Variants in GPC3 observed in about 807,000 individuals in gnomAD.
GPC3 encodes glypican-3.
In GPC3, 3 loss-of-function variants were observed where a neutral mutation model predicts 34.4. That is an observed-to-expected ratio of 0.09 (90% confidence interval 0.04 to 0.23). GPC3 has a LOEUF of 0.23. Ranked by LOEUF, GPC3 falls within the 10% of genes least tolerant of loss-of-function variation. The pLI, the probability that GPC3 is intolerant of heterozygous loss-of-function variation, is 1.00. For missense variants in GPC3, 351 were observed against 445.6 expected (o/e 0.79, Z 1.91); for synonymous variants, 177 against 174.0 (o/e 1.02, Z -0.13).
chrX:133,610,144 C>T (rs747678004), intron 6 of GPC3, among the ~76,000 whole-genome samples: 3 of 111,724 alleles, frequency 2.7e-5, no homozygotes, highest in African/African-American at 6.5e-5. Flanking sequence ...CAGTGTTGGG[C>T]GGTGCTTGAA....
At chrX:133,977,263 C>T (rs922447774) in intron 1 of GPC3, among the ~76,000 whole-genome samples, 1 of 111,848 alleles carries the variant, frequency 8.9e-6, no homozygotes, top group African/African-American at 3.3e-5. Context: ...ATGGTCCCTG[C>T]ATTCAATAAG....
At chrX:133,592,405 G>A in intron 7 of GPC3, among the ~76,000 whole-genome samples, 1 of 107,322 alleles carries the variant, frequency 9.3e-6, no homozygotes, top group African/African-American at 3.4e-5. Context: ...TCTGTAAAGT[G>A]AGAATAGTAA....
chrX:133,823,552 T>C (rs1312904373), intron 2 of GPC3, among the ~76,000 whole-genome samples: 2 of 111,692 alleles, frequency 1.8e-5, no homozygotes, highest in African/African-American at 6.5e-5. Context: ...TGTTTTACCA[T>C]TAAATACAAA....
intron 2 of GPC3, among the ~76,000 whole-genome samples, chrX:133,805,206 A>T (rs764121706): frequency 8.9e-6 from 1 of 112,300 alleles, no homozygotes; most frequent in Admixed American, 9.4e-5. Flanking sequence ...AAGTGGGCAA[A>T]AATCAAACAG....
chrX:133,776,377 C>G (rs972724154), intron 2 of GPC3, among the ~76,000 whole-genome samples: 1 of 111,010 alleles, frequency 9.0e-6, no homozygotes, highest in Non-Finnish European at 1.9e-5. Flanking sequence ...GTCTCGTCTA[C>G]GCATAGATCC....
At position 133,729,616 on chromosome X, in the gene GPC3, T is replaced by C. The variant is rs2071442948; in HGVS notation, c.1032+23866A>G. On this transcript the variant is annotated intron_variant, in intron 3 of 7. Coordinates refer to ENST00000370818, the MANE Select transcript of GPC3 (RefSeq NM_004484.4). Reference sequence around the variant, plus strand: ...CTAGTGAAGAACATATCAAAAGTACTCAACAAATATGTATTGAGTATATAG... The same window carrying C: ...CTAGTGAAGAACATATCAAAAGTACCCAACAAATATGTATTGAGTATATAG... Among the ~76,000 whole-genome samples the C allele has an allele frequency of 3.6e-5, 4 of 111,743 alleles. No individual in the cohort carries two copies. The Admixed American group carries it at 3.8e-4, about 11-fold the overall frequency.
rs151292304 is a variant in GPC3 at position 133,931,421 on chromosome X, A to G, written c.337+21629T>C. Among the ~76,000 whole-genome samples the G allele has an allele frequency of 5.3e-3, 593 of 110,913 alleles. 8 individuals carry two copies. Among genetic ancestry groups the G allele is most frequent in the African/African-American group, 0.018 (537 of 30,443 alleles). The stretch of plus-strand genomic sequence containing the variant: ...GTTAGAAAGCGATTAAATCCTCAGG[A>G]TAGAGCTGAGGGCTGAAACCAGGGC... On this transcript the variant is annotated intron_variant, in intron 2 of 7. Transcript: ENST00000370818.
chrX:133,540,571 G>A (rs1023498332), intron 7 of GPC3, among the ~76,000 whole-genome samples: 2 of 111,352 alleles, frequency 1.8e-5, no homozygotes, highest in Non-Finnish European at 3.8e-5. Flanking sequence ...GGAGTGAGGT[G>A]AGGGATAAAA....
intron 3 of GPC3, among the ~76,000 whole-genome samples, chrX:133,749,940 GGTTGGATCACATCT>G (rs1232642011): frequency 9.0e-6 from 1 of 111,393 alleles, no homozygotes; most frequent in Non-Finnish European, 1.9e-5. Flanking sequence ...ACTGAGTATG[GGTTGGATCACATCT>G]GGCCAGTGAT....
chrX:133,711,316 G>A (rs1358873314), intron 3 of GPC3, among the ~76,000 whole-genome samples: 1 of 111,953 alleles, frequency 8.9e-6, no homozygotes, highest in African/African-American at 3.2e-5. Context: ...TAGATCTGGG[G>A]TGAAGTCTGA....
intron 5 of GPC3, among the ~76,000 whole-genome samples, chrX:133,691,689 A>G (rs189308028): frequency 8.9e-6 from 1 of 111,781 alleles, no homozygotes; most frequent in East Asian, 2.8e-4. Context: ...TATAAAGATA[A>G]ATAATACATA....
At chrX:133,714,463 T>C (rs960742566) in intron 3 of GPC3, among the ~76,000 whole-genome samples, 9 of 111,217 alleles carry the variant, frequency 8.1e-5, no homozygotes, top group Admixed American at 1.9e-4. Context: ...ACAATAGATA[T>C]AACTCCATCG....
chrX:133,944,582 A>G (rs2076359420), intron 2 of GPC3, among the ~76,000 whole-genome samples: 1 of 112,088 alleles, frequency 8.9e-6, no homozygotes, highest in Non-Finnish European at 1.9e-5. Context: ...AGGGAAAGGA[A>G]GAAAACACAC....
intron 2 of GPC3, among the ~76,000 whole-genome samples, chrX:133,898,849 C>T (rs1282152400): frequency 8.9e-6 from 1 of 111,826 alleles, no homozygotes; most frequent in Middle Eastern, 4.2e-3. Flanking sequence ...GTTGAGCCCA[C>T]CTAAATCCTG....
intron 2 of GPC3, among the ~76,000 whole-genome samples, chrX:133,795,983 T>C (rs1445159648): frequency 9.8e-6 from 1 of 101,723 alleles, no homozygotes; most frequent in African/African-American, 3.7e-5. Flanking sequence ...TCTCGCTTTG[T>C]CCCCCAGGCT....
intron 2 of GPC3, among the ~76,000 whole-genome samples, chrX:133,946,098 C>T (rs777501702): frequency 1.8e-5 from 2 of 111,848 alleles, no homozygotes; most frequent in East Asian, 5.6e-4. Flanking sequence ...TCTTTGAATC[C>T]CCCACAGTAC....
chrX:133,587,130 A>T (rs2069796608), intron 7 of GPC3, among the ~76,000 whole-genome samples: 1 of 111,515 alleles, frequency 9.0e-6, no homozygotes. Flanking sequence ...TTTTACTTCT[A>T]TGAGATCAAC....
intron 2 of GPC3, among the ~76,000 whole-genome samples, chrX:133,767,812 CCT>C (rs1347118187): frequency 9.0e-6 from 1 of 110,874 alleles, no homozygotes; most frequent in Non-Finnish European, 1.9e-5. Flanking sequence ...GCAGCTTTCC[CCT>C]GAGCCTGCCC....
intron 5 of GPC3, among the ~76,000 whole-genome samples, chrX:133,691,873 G>A (rs915148044): frequency 1.3e-4 from 15 of 112,588 alleles, no homozygotes; most frequent in African/African-American, 4.5e-4. Context: ...ATTGCCTTCA[G>A]ACACAGTTCT....
Sources: allele counts gnomAD v4.1 joint callset (sites outside exome capture counted in the v4.1 genomes callset), GRCh38; gene constraint gnomAD v4.1.1; transcripts MANE v1.5; gene names NCBI Gene and HGNC (gene_info 2026-07-23, HGNC 2026-07-21).